TENT2: variants seen among roughly 807,000 people sequenced by gnomAD.
TENT2 encodes poly(A) RNA polymerase GLD2.
A neutral mutation model predicts 72.2 loss-of-function variants in TENT2; 44 were observed. The ratio of observed to expected loss-of-function variants is 0.61; its 90% CI spans 0.48 to 0.78. The LOEUF (loss-of-function observed/expected upper bound fraction) is 0.78. Ranked by LOEUF, TENT2 falls within the 30% of genes least tolerant of loss-of-function variation. TENT2 has a pLI of 0.00. For missense variants in TENT2, 541 were observed against 569.6 expected, an observed-to-expected ratio of 0.95 and a Z score of 0.51; for synonymous variants, 212 against 192.5, an observed-to-expected ratio of 1.10 and a Z score of -0.84.
chr5:79,616,643 C>A (rs1009344917), intron 1 of TENT2, among the ~76,000 whole-genome samples: 1 of 146,570 alleles, frequency 6.8e-6, no homozygotes, highest in Admixed American at 6.8e-5. Flanking sequence ...CTAGGGGATT[C>A]CCTGGAATGC....
chr5:79,638,962 G>A (rs1403049891), intron 4 of TENT2, among the ~76,000 whole-genome samples: 3 of 152,124 alleles, frequency 2.0e-5, no homozygotes, highest in African/African-American at 7.2e-5. Context: ...AACATTTTAC[G>A]TGATGGGTGA....
chr5:79,634,525 G>T (rs937267915), intron 4 of TENT2, among the ~76,000 whole-genome samples: 2 of 151,976 alleles, frequency 1.3e-5, no homozygotes, highest in African/African-American at 4.8e-5. Flanking sequence ...TTTTAGTAGA[G>T]ATGGGGTTTC....
rs1282947904 is a variant in TENT2, at chr5:79,648,890, T to C, written c.899-172T>C. On this transcript the variant is annotated intron_variant, in intron 9 of 14. Transcript: ENST00000453514. ...AGTGGCATTTTAATAATTGATAATT[T>C]TTAAAAGGTAACTAAGGTAAGTTTT... 3.4e-6 allele frequency: 3 copies of C among 882,438 alleles called. No homozygotes were observed. The African/African-American group carries it at 5.1e-5, about 15-fold the overall frequency. The allele number at this position is 882,438 out of a possible 1,614,324, so 54.7% of individuals were successfully genotyped here. A position where few individuals can be genotyped will look rare whatever the true frequency, so the allele number is the denominator to read the frequency against.
intron 2 of TENT2, 50 bp downstream of exon 2, chr5:79,619,835 A>AT: frequency 1.3e-6 from 2 of 1,580,752 alleles, no homozygotes; most frequent in Non-Finnish European, 1.7e-6. Flanking sequence ...TTCATTTTCT[A>AT]TTTGACATAA....
At chr5:79,631,237 C>T (rs1329658799) in intron 4 of TENT2, among the ~76,000 whole-genome samples, 1 of 152,104 alleles carries the variant, frequency 6.6e-6, no homozygotes, top group Non-Finnish European at 1.5e-5. Context: ...TAGTTGAAAA[C>T]CATTGGGTTC....
intron 4 of TENT2, among the ~76,000 whole-genome samples, chr5:79,627,644 C>T (rs1331967852): frequency 1.3e-5 from 2 of 152,126 alleles, no homozygotes; most frequent in African/African-American, 4.8e-5. Flanking sequence ...TGCCACCATG[C>T]CCTGCCAATT....
chr5:79,645,247 T>G, intron 8 of TENT2, 55 bp downstream of exon 8: 2 of 1,308,868 alleles, frequency 1.5e-6, no homozygotes, highest in Non-Finnish European at 2.2e-6. Flanking sequence ...TTTTAGATAC[T>G]CATCTGATAA....
chr5:79,648,943 CAG>C, intron 9 of TENT2, 117 bp from the exon 10 acceptor site: 1 of 1,133,784 alleles, frequency 8.8e-7, no homozygotes, highest in Non-Finnish European at 1.2e-6. Flanking sequence ...TGAACAGACA[CAG>C]TGTTTAATAT....
At position 79,649,150 on chromosome 5, in the gene TENT2, C is replaced by T. The variant is rs1469464632; in HGVS notation, c.987C>T (p.Ser329=). ...ATGATGCCAGTCGTGGTACTTTAAG[C>T]AGCTATAGTCTTGTATTGATGGTTT... ...QINDASRGTL[S]SYSLVLMVLH... The change falls in exon 10 of 15, where the codon AGC becomes AGT. Residue 329 remains serine, a synonymous_variant. Transcript: ENST00000453514. The T allele has an allele frequency of 1.9e-6, 3 of 1,613,458 alleles. No homozygotes were observed. The highest frequency in any genetic ancestry group is 2.5e-6 in the Non-Finnish European group (3 of 1,179,676).
intron 14 of TENT2, among the ~76,000 whole-genome samples, chr5:79,683,980 T>TCAAGA (rs1279886683): frequency 7.4e-5 from 11 of 147,706 alleles, no homozygotes; most frequent in Non-Finnish European, 1.6e-4. Context: ...AAACAAATAT[T>TCAAGA]CAAGAGAGAA....
rs915139655 is a variant in TENT2, at chr5:79,659,902, T to TA, written c.1071+2902dup. Among the ~76,000 whole-genome samples, 100 of 152,058 alleles carry TA rather than the reference T, an allele frequency of 6.6e-4. 1 individual carries two copies. Among genetic ancestry groups the TA allele is most frequent in the African/African-American group, 5.5e-4 (23 of 41,538 alleles). ...CAGATATACCTTTAAGGGCAGCAGTTACGGCAGAATTTCAGCTTGTATAAA... is the reference window on the plus strand; with the variant it reads ...CAGATATACCTTTAAGGGCAGCAGTTAACGGCAGAATTTCAGCTTGTATAAA... On this transcript the variant is annotated intron_variant, in intron 11 of 14. Transcript: ENST00000453514.
chr5:79,684,002 A>T (rs1824564222), intron 14 of TENT2, among the ~76,000 whole-genome samples: 1 of 146,074 alleles, frequency 6.8e-6, no homozygotes, highest in Non-Finnish European at 1.5e-5. Context: ...ATTTTTGTTT[A>T]TCAGATTAAA....
intron 8 of TENT2, 70 bp from the exon 9 acceptor site, chr5:79,648,547 A>G: frequency 9.6e-7 from 1 of 1,036,942 alleles, no homozygotes; most frequent in Non-Finnish European, 1.4e-6. Flanking sequence ...GCATTAATTT[A>G]GTTATTAGGA....
chr5:79,637,647 G>A (rs980495331), intron 4 of TENT2, among the ~76,000 whole-genome samples: 2 of 151,976 alleles, frequency 1.3e-5, no homozygotes, highest in African/African-American at 2.4e-5. Context: ...GGCTTGTCTC[G>A]GATTCCTGGG....
chr5:79,660,476 A>G (rs1412032859), intron 11 of TENT2, among the ~76,000 whole-genome samples: 1 of 151,038 alleles, frequency 6.6e-6, no homozygotes, highest in East Asian at 2.0e-4. Context: ...TTTGTACTCT[A>G]GGAAACATTT....
chr5:79,614,971 C>T (rs1261445767), intron 1 of TENT2: 1 of 152,116 alleles, frequency 6.6e-6, no homozygotes, highest in African/African-American at 2.4e-5. Flanking sequence ...ACGAATGCGT[C>T]GGAATGATTT....
At chr5:79,666,297 A>G (rs990561699) in intron 11 of TENT2, among the ~76,000 whole-genome samples, 4 of 151,702 alleles carry the variant, frequency 2.6e-5, no homozygotes, top group Non-Finnish European at 5.9e-5. Flanking sequence ...CCTTAAAGAA[A>G]TTATTTGTTG....
rs1190979373 is a variant in TENT2, at chr5:79,640,770, AAT to A, written c.466-80_466-79del. 6.6e-6 allele frequency: 5 copies of A among 756,510 alleles called. No homozygotes were observed. The South Asian group carries it at 9.7e-5, about 15-fold the overall frequency. 46.9% of individuals were successfully genotyped at this position (756,510 alleles called of 1,614,324 possible). On this transcript the variant is annotated intron_variant, in intron 4 of 14. Transcript: ENST00000453514. ...CTCCCTTTTAAAATAGTGTCAGTAT[AAT>A]TGATTTATGCTTCTCCATATAGCAA...
Position 79,671,918 on chromosome 5 carries a change from C to T in TENT2, c.1208+2890C>T, listed in dbSNP as rs745769422. ...AGAAGTTTGAGACCAGCCTGGGCAA[C>T]ATGGCAAAACCCCCTTTCTACTAAA... is the stretch of plus-strand genomic sequence containing the variant. On this transcript the variant is annotated intron_variant, in intron 12 of 14. Coordinates refer to ENST00000453514, the MANE Select transcript of TENT2 (RefSeq NM_001114394.3). Among the ~76,000 whole-genome samples the T allele has an allele frequency of 9.2e-5, 14 of 152,118 alleles. No homozygotes were observed. In the East Asian group the frequency reaches 2.3e-3, roughly 25 times the overall value.
Sources: allele counts gnomAD v4.1 joint callset (sites outside exome capture counted in the v4.1 genomes callset), GRCh38; gene constraint gnomAD v4.1.1; transcripts MANE v1.5; gene names NCBI Gene and HGNC (gene_info 2026-07-23, HGNC 2026-07-21).